Variants in CCDC144A observed in about 807,000 individuals in gnomAD.
CCDC144A encodes the protein coiled-coil domain containing 144A, also known as coiled-coil domain-containing protein 144A.
In CCDC144A, 41 loss-of-function variants were observed where a neutral mutation model predicts 143.8. The observed-to-expected ratio is 0.29, with a 90% CI of 0.22 to 0.37. The LOEUF (loss-of-function observed/expected upper bound fraction) is 0.37, where lower values mean the gene tolerates loss of function less well. Among genes scored for constraint, CCDC144A ranks in the 10% least tolerant of loss-of-function variants. The pLI, the probability that CCDC144A is intolerant of heterozygous loss-of-function variation, is 1.00. For missense variants in CCDC144A, 637 were observed against 1,488.8 expected, an observed-to-expected ratio of 0.43 and a Z score of 9.41; for synonymous variants, 242 against 517.9, an observed-to-expected ratio of 0.47 and a Z score of 7.23.
chr17:16,693,611 G>A (rs1196650225), intron 2 of CCDC144A, among the ~76,000 whole-genome samples: 5 of 152,046 alleles, frequency 3.3e-5, no homozygotes, highest in Admixed American at 1.3e-4. Flanking sequence ...CACCGCGCCC[G>A]GCCAAGAAAA....
rs1186108759 is a variant in CCDC144A, at chr17:16,776,862, C to T, written c.*3229C>T. 5 of 151,938 alleles carry T rather than the reference C, an allele frequency of 3.3e-5. No individual in the cohort carries two copies. The highest frequency in any genetic ancestry group is 7.3e-5 in the Non-Finnish European group (5 of 68,028). The allele number at this position is 151,938 out of a possible 1,614,324, so 9.4% of individuals were successfully genotyped here. A position where few individuals can be genotyped will look rare whatever the true frequency, so the allele number is the denominator to read the frequency against. On this transcript the variant is annotated 3_prime_UTR_variant, in exon 17 of 17. Transcript: ENST00000399273. ...TAGAATAGTACCTCACATCTCAATG[C>T]TAATGTTGAACGTAAATGGCCTAAA... is the stretch of plus-strand genomic sequence containing the variant.
At chr17:16,765,810 A>G (rs1196705978) in intron 15 of CCDC144A, 1 of 152,264 alleles carries the variant, frequency 6.6e-6, no homozygotes, top group Non-Finnish European at 1.5e-5. Flanking sequence ...TCAGCGTCCA[A>G]ATGCCTCAGT....
At chr17:16,691,997 A>G (rs1393848975) in intron 1 of CCDC144A, 1 of 151,654 alleles carries the variant, frequency 6.6e-6, no homozygotes, top group African/African-American at 2.4e-5. Flanking sequence ...TAATATTAAA[A>G]TTGTGATTTT....
chr17:16,718,832 G>GTTTTT (rs71355519), intron 6 of CCDC144A, among the ~76,000 whole-genome samples: 1 of 105,784 alleles, frequency 9.5e-6, no homozygotes, highest in Non-Finnish European at 1.9e-5. Flanking sequence ...ATTATAAAGT[G>GTTTTT]TTTTTTTTTT....
At chr17:16,670,291 CT>C in the CCDC144A span, among the ~76,000 whole-genome samples, 34,742 of 127,392 alleles carry the variant, frequency 0.27, 3,643 homozygotes, top group East Asian at 0.46. Flanking sequence ...TTTCTTTTTT[CT>C]TTTTTTTTTT....
chr17:16,768,011 C>A (rs1005019067), intron 15 of CCDC144A, among the ~76,000 whole-genome samples: 17 of 152,224 alleles, frequency 1.1e-4, no homozygotes, highest in Non-Finnish European at 1.8e-4. Context: ...ATTACCACAC[C>A]AATTCAAAAT....
In CCDC144A at chr17:16,769,755, G is replaced by A. The variant is rs112044976; in HGVS notation, c.4099-2222G>A. ...TGATTCATAACTTACAATTTGGAGA[G>A]CTACTATTTTTTGTCTCATGCTTAA... On this transcript the variant is annotated intron_variant, in intron 15 of 16. Coordinates refer to ENST00000399273, the MANE Select transcript of CCDC144A (RefSeq NM_001382000.1). Among the ~76,000 whole-genome samples, 1,314 of 151,136 alleles carry A rather than the reference G, an allele frequency of 8.7e-3. 5 individuals are homozygous for A. The highest frequency in any genetic ancestry group is 0.014 in the Middle Eastern group (4 of 286).
intron 11 of CCDC144A, among the ~76,000 whole-genome samples, chr17:16,733,433 G>A (rs1350575578): frequency 2.7e-5 from 4 of 150,066 alleles, no homozygotes; most frequent in Non-Finnish European, 5.9e-5. Flanking sequence ...AACCCTGGGT[G>A]GCGGAGCTTG....
chr17:16,744,701 T>G (rs779534436), intron 12 of CCDC144A, among the ~76,000 whole-genome samples: 22 of 152,072 alleles, frequency 1.4e-4, no homozygotes, highest in Non-Finnish European at 2.9e-4. Context: ...CAGAAGCTCC[T>G]TTGTTTAACT....
At chr17:16,688,422 CCA>C (rs1475063342), upstream of CCDC144A, among the ~76,000 whole-genome samples, 1 of 151,752 alleles carries the variant, frequency 6.6e-6, no homozygotes, top group Non-Finnish European at 1.5e-5. Context: ...ACCCCAGAAA[CCA>C]CTCATAGGGG....
chr17:16,747,242 C>G lies in CCDC144A; in HGVS notation c.3372+11599C>G, dbSNP rs2143301287. ...AGGCATGTGGCTTTATTTCTGGGCTCTCTGTTCTGTTCCATTGGTCTATGT... is the reference window on the plus strand; with the variant it reads ...AGGCATGTGGCTTTATTTCTGGGCTGTCTGTTCTGTTCCATTGGTCTATGT... On this transcript the variant is annotated intron_variant, in intron 12 of 16. Transcript: ENST00000399273. 3.3e-5 allele frequency among the ~76,000 whole-genome samples: 5 copies of G among 152,136 alleles called. No individual in the cohort carries two copies. The Middle Eastern group carries it at 0.017, about 517-fold the overall frequency.
Position 16,690,666 on chromosome 17 carries a change from G to A in CCDC144A, c.266G>A (p.Arg89Gln). ...CTTGGCGAGCTCCACAGAGCTGCCC[G>A]GTCGGGCGACGTCCCTGGGGTGGAG... ...EDLGELHRAA[R>Q]SGDVPGVEHI... The change falls in exon 1 of 17, where the codon CGG becomes CAG. Residue 89 changes from arginine to glutamine, a missense_variant. Coordinates refer to ENST00000399273, the MANE Select transcript of CCDC144A (RefSeq NM_001382000.1). 6.2e-7 allele frequency: 1 copy of A among 1,613,866 alleles called. No individual in the cohort carries two copies. Among genetic ancestry groups the A allele is most frequent in the Non-Finnish European group, 8.5e-7 (1 of 1,179,828 alleles).
At chr17:16,766,244 G>C (rs1465895205) in intron 15 of CCDC144A, 2 of 152,322 alleles carry the variant, frequency 1.3e-5, no homozygotes, top group African/African-American at 4.8e-5. Flanking sequence ...TTTTCCAAAG[G>C]AGACAGTCAG....
upstream of CCDC144A, among the ~76,000 whole-genome samples, chr17:16,686,958 T>C (rs995923054): frequency 4.6e-5 from 7 of 152,056 alleles, no homozygotes; most frequent in African/African-American, 1.2e-4. Flanking sequence ...GAGGCAGTCC[T>C]CACCCCAGCT....
In CCDC144A at chr17:16,690,271, T is replaced by C; in HGVS notation, c.-130T>C. 1.6e-6 allele frequency: 1 copy of C among 607,512 alleles called. No individual in the cohort carries two copies. The allele number at this position is 607,512 out of a possible 1,614,324, so 37.6% of individuals were successfully genotyped here. ...TTTGCGGTGGCTGTTGGCTTGGCGG[T>C]GGTCGCTTGGCTTGGCGTGGCAGTG... On this transcript the variant is annotated 5_prime_UTR_variant, in exon 1 of 17. Coordinates refer to ENST00000399273, the MANE Select transcript of CCDC144A (RefSeq NM_001382000.1).
intron 2 of CCDC144A, among the ~76,000 whole-genome samples, chr17:16,699,451 C>T (rs1911596926): frequency 7.5e-6 from 1 of 134,110 alleles, no homozygotes; most frequent in Admixed American, 7.8e-5. Flanking sequence ...TCTCGGCTCA[C>T]TGCAAGCTCC....
Position 16,776,013 on chromosome 17 carries a change from G to A in CCDC144A, c.*2380G>A, listed in dbSNP as rs1420257029. 1 of 152,226 alleles carries A rather than the reference G, an allele frequency of 6.6e-6. No homozygotes were observed. The highest frequency in any genetic ancestry group is 2.4e-5 in the African/African-American group (1 of 41,450). 9.4% of individuals were successfully genotyped at this position (152,226 alleles called of 1,614,324 possible). Reference sequence around the variant, plus strand: ...CAGGTTTGTCAAAGATCACATGGTTGTAGGTGTGTGGTCTTATTTCTGGGT... The same window carrying A: ...CAGGTTTGTCAAAGATCACATGGTTATAGGTGTGTGGTCTTATTTCTGGGT... On this transcript the variant is annotated 3_prime_UTR_variant, in exon 17 of 17. Transcript: ENST00000399273.
At chr17:16,740,590 A>C (rs1341407545) in intron 12 of CCDC144A, among the ~76,000 whole-genome samples, 10 of 152,226 alleles carry the variant, frequency 6.6e-5, no homozygotes, top group Non-Finnish European at 1.3e-4. Flanking sequence ...TCTCCATACA[A>C]ATGAGCTTGA....
chr17:16,727,827 A>G, intron 9 of CCDC144A, 87 bp downstream of exon 9: 1 of 1,313,642 alleles, frequency 7.6e-7, no homozygotes, highest in Non-Finnish European at 1.0e-6. Context: ...TCTGCAGAAT[A>G]ATGGGGGAGA....
Sources: allele counts gnomAD v4.1 joint callset (sites outside exome capture counted in the v4.1 genomes callset), GRCh38; gene constraint gnomAD v4.1.1; transcripts MANE v1.5; gene names NCBI Gene and HGNC (gene_info 2026-07-23, HGNC 2026-07-21).